ENOX1: variants seen among roughly 807,000 people sequenced by gnomAD.
ENOX1 encodes the protein candidate growth-related and time keeping constitutive hydroquinone (NADH) oxidase.
A neutral mutation model predicts 82.5 loss-of-function variants in ENOX1; 42 were observed. That is an observed-to-expected ratio of 0.51 (90% confidence interval 0.40 to 0.66). The LOEUF (loss-of-function observed/expected upper bound fraction) is 0.66, where lower values mean the gene tolerates loss of function less well. ENOX1 is among the 30% of genes least tolerant of loss of function. ENOX1 has a pLI of 0.00. For missense variants in ENOX1, 608 were observed against 811.6 expected, an observed-to-expected ratio of 0.75 and a Z score of 3.05; for synonymous variants, 271 against 282.2, an observed-to-expected ratio of 0.96 and a Z score of 0.40.
intron 2 of ENOX1, among the ~76,000 whole-genome samples, chr13:43,491,570 C>A (rs1290952439): frequency 6.6e-6 from 1 of 152,040 alleles, no homozygotes; most frequent in Non-Finnish European, 1.5e-5. Flanking sequence ...GAGTTTGAGA[C>A]CAGCCTGGCC....
rs141335746 is a variant in ENOX1, at chr13:43,457,753, TTATC to T, written c.-75+26252_-75+26255del. Among the ~76,000 whole-genome samples the T allele has an allele frequency of 9.6e-3, 1,467 of 152,252 alleles. 19 individuals are homozygous for T. The highest frequency in any genetic ancestry group is 0.034 in the African/African-American group (1,393 of 41,540). On this transcript the variant is annotated intron_variant, in intron 3 of 16. Transcript: ENST00000690772. ...TGAATGTTAATGGTCAAACTACGTT[TTATC>T]AGTCAACAAAATGTACCCAAAATGC...
chr13:43,399,861 T>C (rs993761905), intron 5 of ENOX1, among the ~76,000 whole-genome samples: 5 of 152,254 alleles, frequency 3.3e-5, no homozygotes, highest in Non-Finnish European at 7.4e-5. Flanking sequence ...AACGCCCCTC[T>C]GTCCTTGCAC....
At chr13:43,315,521 A>G (rs2047429396) in intron 11 of ENOX1, among the ~76,000 whole-genome samples, 1 of 152,202 alleles carries the variant, frequency 6.6e-6, no homozygotes, top group Admixed American at 6.5e-5. Context: ...TCTGTCATCT[A>G]AACTCCTTCA....
chr13:43,450,021 C>T (rs1323141), intron 3 of ENOX1, among the ~76,000 whole-genome samples: 148,918 of 152,358 alleles, frequency 0.98, 72,874 homozygotes, highest in East Asian at 1. Flanking sequence ...ACCTCGGAGG[C>T]CTTAATCATT....
At chr13:43,451,710 T>G (rs2056976813) in intron 3 of ENOX1, among the ~76,000 whole-genome samples, 2 of 152,234 alleles carry the variant, frequency 1.3e-5, no homozygotes, top group African/African-American at 4.8e-5. Flanking sequence ...CTACTTCTAC[T>G]GCTCACAGGT....
At chr13:43,370,093 C>T (rs987436520) in intron 5 of ENOX1, among the ~76,000 whole-genome samples, 4 of 152,156 alleles carry the variant, frequency 2.6e-5, no homozygotes, top group African/African-American at 4.8e-5. Flanking sequence ...TTGGGCCGGG[C>T]GCGGTGGCTC....
intron 3 of ENOX1, among the ~76,000 whole-genome samples, chr13:43,435,495 T>C (rs1195176199): frequency 6.6e-6 from 1 of 152,204 alleles, no homozygotes; most frequent in Non-Finnish European, 1.5e-5. Context: ...GGCACCAAGC[T>C]TCAGATTCTG....
Position 43,449,608 on chromosome 13 carries a change from A to G in ENOX1, c.-75+34401T>C, listed in dbSNP as rs144935108. ...AGTAACTTTCATAAGGCAAAAGTTC[A>G]TATCTTCTATTCTCACAGTCTTACC... On this transcript the variant is annotated intron_variant, in intron 3 of 16. Coordinates refer to ENST00000690772, the MANE Select transcript of ENOX1 (RefSeq NM_001347969.2). Among the ~76,000 whole-genome samples, 5 of 152,322 alleles carry G rather than the reference A, an allele frequency of 3.3e-5. No homozygotes were observed. In the East Asian group the frequency reaches 9.6e-4, roughly 29 times the overall value.
intron 5 of ENOX1, among the ~76,000 whole-genome samples, chr13:43,367,346 T>C (rs2050916347): frequency 6.6e-6 from 1 of 152,196 alleles, no homozygotes; most frequent in Non-Finnish European, 1.5e-5. Flanking sequence ...CCTATGAATG[T>C]GACTTTATTT....
At chr13:43,415,236 T>TC (rs1006102093) in intron 3 of ENOX1, among the ~76,000 whole-genome samples, 1 of 133,720 alleles carries the variant, frequency 7.5e-6, no homozygotes, top group Non-Finnish European at 1.5e-5. Context: ...TCCAATGTTT[T>TC]TTTTTTTTTT....
intron 1 of ENOX1, among the ~76,000 whole-genome samples, chr13:43,752,977 A>C (rs920530089): frequency 1.2e-4 from 14 of 117,776 alleles, no homozygotes; most frequent in African/African-American, 3.5e-4. Flanking sequence ...CTCCTGCCTC[A>C]GCCTTCTGAG....
intron 2 of ENOX1, among the ~76,000 whole-genome samples, chr13:43,524,125 C>A (rs955349561): frequency 2.0e-5 from 3 of 152,156 alleles, no homozygotes; most frequent in African/African-American, 7.2e-5. Flanking sequence ...ATCATCCTAG[C>A]CTTCAGACCC....
rs145509352 is a variant in ENOX1 at position 43,484,615 on chromosome 13, G to A, written c.-218-463C>T. 1.4e-3 allele frequency among the ~76,000 whole-genome samples: 213 copies of A among 152,322 alleles called. 2 individuals carry two copies. Among genetic ancestry groups the A allele is most frequent in the African/African-American group, 5.0e-3 (206 of 41,572 alleles). On this transcript the variant is annotated intron_variant, in intron 2 of 16. Coordinates refer to ENST00000690772, the MANE Select transcript of ENOX1 (RefSeq NM_001347969.2). ...AGGCTTAGAACCTGTAACCATCAAA[G>A]TTCAAAGGCCTTAGGGCAGGTACTT...
chr13:43,561,233 C>T (rs1028276982), intron 2 of ENOX1, among the ~76,000 whole-genome samples: 10 of 152,054 alleles, frequency 6.6e-5, no homozygotes, highest in African/African-American at 9.7e-5. Flanking sequence ...TGTAGGACAC[C>T]GATTAGACTC....
chr13:43,626,266 A>G (rs562873111), intron 2 of ENOX1, among the ~76,000 whole-genome samples: 9 of 151,964 alleles, frequency 5.9e-5, no homozygotes, highest in Admixed American at 2.6e-4. Flanking sequence ...TGATCTTTCA[A>G]ATAAAGAGCA....
intron 1 of ENOX1, among the ~76,000 whole-genome samples, chr13:43,717,591 C>T (rs939403520): frequency 3.4e-4 from 51 of 152,142 alleles, no homozygotes; most frequent in Admixed American, 3.3e-3. Flanking sequence ...AAACTATCAA[C>T]AGGGTAAACA....
intron 2 of ENOX1, among the ~76,000 whole-genome samples, chr13:43,507,184 A>C (rs1332327595): frequency 6.6e-6 from 1 of 151,980 alleles, no homozygotes; most frequent in Non-Finnish European, 1.5e-5. Flanking sequence ...AGAAGACAAA[A>C]GACAAAGGAT....
intron 3 of ENOX1, among the ~76,000 whole-genome samples, chr13:43,417,840 A>T (rs941572445): frequency 6.6e-6 from 1 of 152,214 alleles, no homozygotes; most frequent in Non-Finnish European, 1.5e-5. Context: ...TTCTAAAAGT[A>T]AGTGTTGCCC....
In ENOX1 at chr13:43,412,984, A is replaced by T; in HGVS notation, c.-70T>A. On this transcript the variant is annotated 5_prime_UTR_variant, in exon 4 of 17. An upstream open reading frame in the 5' UTR loses its in-frame stop. Transcript: ENST00000690772. ...GTGCAGGGTCCCCTCGGAGGTCATC[A>T]GATTCTGCAAAACGGGACAGAAGTG... 1 of 1,584,964 alleles carries T rather than the reference A, an allele frequency of 6.3e-7. No individual in the cohort carries two copies. The highest frequency in any genetic ancestry group is 8.6e-7 in the Non-Finnish European group (1 of 1,166,316).
Sources: allele counts gnomAD v4.1 joint callset (sites outside exome capture counted in the v4.1 genomes callset), GRCh38; gene constraint gnomAD v4.1.1; transcripts MANE v1.5; gene names NCBI Gene and HGNC (gene_info 2026-07-23, HGNC 2026-07-21).